Variants in LRP1B observed in about 807,000 individuals in gnomAD.
LRP1B encodes LDL receptor related protein 1B.
Under a neutral mutation model 556.6 loss-of-function variants are expected in LRP1B, and 217 were observed. That is an observed-to-expected ratio of 0.39 (90% CI 0.35 to 0.44). The LOEUF (loss-of-function observed/expected upper bound fraction) is 0.44. Ranked by LOEUF, LRP1B falls within the 20% of genes least tolerant of loss-of-function variation. The pLI is 1.00. For synonymous variants in LRP1B, 2,047 were observed against 1,865.8 expected (o/e 1.10, Z -2.50); for missense variants, 5,053 against 5,620.8 (o/e 0.90, Z 3.23).
At chr2:142,035,518 C>A (rs1056861894) in intron 1 of LRP1B, among the ~76,000 whole-genome samples, 1 of 151,300 alleles carries the variant, frequency 6.6e-6, no homozygotes, top group Non-Finnish European at 1.5e-5. Context: ...ATTAGAGAAC[C>A]ACTGTAACAC....
intron 2 of LRP1B, among the ~76,000 whole-genome samples, chr2:141,602,428 TCAAA>T (rs1225720345): frequency 6.6e-6 from 1 of 152,160 alleles, no homozygotes; most frequent in Non-Finnish European, 1.5e-5. Flanking sequence ...TTGGCTCAAC[TCAAA>T]CAGGCAAAGA....
chr2:142,094,507 G>A (rs1045436189), intron 1 of LRP1B, among the ~76,000 whole-genome samples: 1 of 151,976 alleles, frequency 6.6e-6, no homozygotes, highest in East Asian at 1.9e-4. Flanking sequence ...TTAAGTGACA[G>A]CACTGCTTGC....
intron 2 of LRP1B, among the ~76,000 whole-genome samples, chr2:141,787,441 A>G (rs1417302468): frequency 2.0e-5 from 3 of 151,980 alleles, no homozygotes; most frequent in Non-Finnish European, 2.9e-5. Context: ...ATGCAATCAC[A>G]TAGATTAATC....
At chr2:140,666,358 G>C (rs556760942) in intron 41 of LRP1B, among the ~76,000 whole-genome samples, 130 of 151,858 alleles carry the variant, frequency 8.6e-4, no homozygotes, top group African/African-American at 2.8e-3. Flanking sequence ...CTCCCAAAAT[G>C]TTGGGGGAGG....
intron 1 of LRP1B, among the ~76,000 whole-genome samples, chr2:141,854,845 T>C (rs1441801781): frequency 6.6e-6 from 1 of 152,100 alleles, no homozygotes; most frequent in East Asian, 1.9e-4. Flanking sequence ...TATTATTTTC[T>C]TTATTCTGAT....
chr2:141,743,486 CTT>C (rs765968445), intron 2 of LRP1B, among the ~76,000 whole-genome samples: 10 of 108,042 alleles, frequency 9.3e-5, no homozygotes, highest in East Asian at 8.3e-4. Flanking sequence ...CTGCTTTTTT[CTT>C]TTTTTTTTTT....
intron 77 of LRP1B, among the ~76,000 whole-genome samples, chr2:140,339,145 A>G (rs1484710449): frequency 1.3e-5 from 2 of 151,806 alleles, no homozygotes; most frequent in Non-Finnish European, 2.9e-5. Flanking sequence ...TGAAACCCTT[A>G]CATCTTACAA....
chr2:140,295,423 C>A (rs1354614288), intron 84 of LRP1B, among the ~76,000 whole-genome samples: 1 of 152,094 alleles, frequency 6.6e-6, no homozygotes, highest in African/African-American at 2.4e-5. Context: ...CCCTCTGTAC[C>A]ATCAGAGGCA....
chr2:140,301,168 T>G (rs535991330), intron 83 of LRP1B, among the ~76,000 whole-genome samples: 1 of 152,092 alleles, frequency 6.6e-6, no homozygotes, highest in African/African-American at 2.4e-5. Context: ...CCCCTTTAGC[T>G]TCTAAATATG....
intron 55 of LRP1B, among the ~76,000 whole-genome samples, chr2:140,497,553 T>G (rs888356044): frequency 2.0e-5 from 3 of 151,934 alleles, no homozygotes; most frequent in Non-Finnish European, 4.4e-5. Context: ...GACAGGGTAG[T>G]AATCCCAGAT....
At chr2:141,576,722 C>A (rs1234287992) in intron 2 of LRP1B, among the ~76,000 whole-genome samples, 1 of 147,584 alleles carries the variant, frequency 6.8e-6, no homozygotes, top group Non-Finnish European at 1.5e-5. Flanking sequence ...CTACTGCATG[C>A]CAGCCTAGGC....
chr2:141,709,274 G>C (rs566032508), intron 2 of LRP1B, among the ~76,000 whole-genome samples: 1 of 152,028 alleles, frequency 6.6e-6, no homozygotes, highest in Non-Finnish European at 1.5e-5. Context: ...GCCTGAACCT[G>C]GGAGGCAGAA....
At chr2:141,394,250 C>T (rs6429870) in intron 3 of LRP1B, among the ~76,000 whole-genome samples, 3,987 of 152,086 alleles carry the variant, frequency 0.026, 175 homozygotes, top group African/African-American at 0.091. Flanking sequence ...TTTAAAAACA[C>T]ATGTTTAAAT....
chr2:141,048,172 CA>C (rs1384581003), intron 11 of LRP1B, among the ~76,000 whole-genome samples: 2 of 152,070 alleles, frequency 1.3e-5, no homozygotes, highest in Non-Finnish European at 2.9e-5. Flanking sequence ...TAATGTTCCT[CA>C]AATTATGTAT....
intron 41 of LRP1B, among the ~76,000 whole-genome samples, chr2:140,641,507 C>G (rs1684291978): frequency 6.6e-6 from 1 of 152,196 alleles, no homozygotes; most frequent in African/African-American, 2.4e-5. Flanking sequence ...TTGATAATAT[C>G]ACAGCTGGAA....
intron 43 of LRP1B, among the ~76,000 whole-genome samples, chr2:140,584,230 T>A (rs1362754275): frequency 1.3e-5 from 2 of 152,004 alleles, no homozygotes; most frequent in Non-Finnish European, 2.9e-5. Context: ...TTAATATAAG[T>A]TATTTGAGAA....
At chr2:142,108,565 G>C (rs1344563544) in intron 1 of LRP1B, among the ~76,000 whole-genome samples, 1 of 152,062 alleles carries the variant, frequency 6.6e-6, no homozygotes, top group African/African-American at 2.4e-5. Flanking sequence ...TTATTTCATG[G>C]CACTATTGTT....
chr2:141,548,342 G>A (rs1685625362), intron 2 of LRP1B, among the ~76,000 whole-genome samples: 1 of 152,302 alleles, frequency 6.6e-6, no homozygotes, highest in East Asian at 1.9e-4. Flanking sequence ...GGATGACTGT[G>A]AACTAAATAG....
chr2:140,510,098 C>T (rs2104918057), intron 51 of LRP1B, 42 bp from the exon 52 acceptor site: 1 of 1,600,006 alleles, frequency 6.2e-7, no homozygotes, highest in Non-Finnish European at 8.5e-7. Flanking sequence ...TACTCTGTGT[C>T]CACTGGAAAA....
Sources: gnomAD v4.1 joint callset for allele counts (sites outside exome capture counted in the v4.1 genomes callset) on GRCh38, gnomAD v4.1.1 for gene constraint, MANE v1.5 for transcripts, NCBI Gene and HGNC (gene_info 2026-07-23, HGNC 2026-07-21) for gene names.